The following CPEB3 variants were observed in gnomAD, a reference collection of about 807,000 sequenced individuals.
CPEB3 encodes the protein cytoplasmic polyadenylation element binding protein 3.
In CPEB3, 20 loss-of-function variants were observed where a neutral mutation model predicts 67.2. The observed-to-expected ratio is 0.30, with a 90% CI of 0.21 to 0.43. CPEB3 has a LOEUF of 0.43. CPEB3 is among the 20% of genes least tolerant of loss of function. The pLI is 1.00. For synonymous variants in CPEB3, 376 were observed against 393.1 expected (o/e 0.96, Z 0.51); for missense variants, 746 against 968.6 (o/e 0.77, Z 3.05).
intron 1 of CPEB3, among the ~76,000 whole-genome samples, chr10:92,275,950 G>A (rs889053846): frequency 4.1e-5 from 6 of 147,500 alleles, no homozygotes; most frequent in South Asian, 2.1e-4. Context: ...CTGGGTTCAC[G>A]CCATTCTCCT....
intron 1 of CPEB3, among the ~76,000 whole-genome samples, chr10:92,269,913 C>T (rs1002083872): frequency 1.3e-5 from 2 of 151,830 alleles, no homozygotes; most frequent in Admixed American, 6.6e-5. Flanking sequence ...AGGTCTCCTT[C>T]GGTGATACGA....
intron 8 of CPEB3, among the ~76,000 whole-genome samples, chr10:92,084,172 A>G (rs991214946): frequency 1.1e-4 from 17 of 151,842 alleles, no homozygotes; most frequent in African/African-American, 3.1e-4. Context: ...CTCAAAAAAA[A>G]AAAAAAAAAA....
At chr10:92,216,268 T>C in intron 2 of CPEB3, 1 of 1,402,664 alleles carries the variant, frequency 7.1e-7, no homozygotes, top group South Asian at 1.3e-5. Context: ...AAACCCCATC[T>C]CTACTAAAAA....
At chr10:92,220,339 T>C (rs1012797246) in intron 2 of CPEB3, among the ~76,000 whole-genome samples, 1 of 152,204 alleles carries the variant, frequency 6.6e-6, no homozygotes, top group Non-Finnish European at 1.5e-5. Flanking sequence ...TGGCAAATAT[T>C]CAAAATAATG....
At chr10:92,110,472 T>C (rs1200538050) in intron 7 of CPEB3, among the ~76,000 whole-genome samples, 1 of 152,220 alleles carries the variant, frequency 6.6e-6, no homozygotes, top group African/African-American at 2.4e-5. Context: ...GGACACAATC[T>C]TCCTCCCTTA....
chr10:92,064,123 A>C (rs558742502), intron 9 of CPEB3, among the ~76,000 whole-genome samples: 1 of 152,336 alleles, frequency 6.6e-6, no homozygotes, highest in Admixed American at 6.5e-5. Flanking sequence ...GAACAAACCT[A>C]ATCTAAGGAT....
At chr10:92,061,200 C>T (rs1842330161) in intron 9 of CPEB3, among the ~76,000 whole-genome samples, 1 of 152,100 alleles carries the variant, frequency 6.6e-6, no homozygotes, top group African/African-American at 2.4e-5. Context: ...AAGTGGATCA[C>T]CTGAGGTCAG....
intron 4 of CPEB3, among the ~76,000 whole-genome samples, chr10:92,160,493 C>T (rs1388750784): frequency 6.6e-6 from 1 of 152,154 alleles, no homozygotes; most frequent in East Asian, 1.9e-4. Context: ...TAAATTTTGA[C>T]ATCCTATCAC....
chr10:92,085,018 C>A (rs1843315655), intron 8 of CPEB3, among the ~76,000 whole-genome samples: 2 of 152,176 alleles, frequency 1.3e-5, no homozygotes, highest in Non-Finnish European at 2.9e-5. Flanking sequence ...ATTAAGCATA[C>A]TTAAATGAAC....
intron 3 of CPEB3, among the ~76,000 whole-genome samples, chr10:92,190,665 CAAAAAAAAAAAAAAAAAAAAAAA>C (rs780757034): frequency 6.4e-5 from 5 of 78,396 alleles, no homozygotes; most frequent in Admixed American, 4.7e-4. Flanking sequence ...AACTCCATCT[CAAAAAAAAAAAAAAAAAAAAAAA>C]AAAAAAAAAA....
At chr10:92,200,381 C>A (rs1219627820) in intron 2 of CPEB3, among the ~76,000 whole-genome samples, 2 of 151,770 alleles carry the variant, frequency 1.3e-5, no homozygotes, top group Non-Finnish European at 2.9e-5. Flanking sequence ...CCTGTCTCTA[C>A]TAAGAAATAC....
chr10:92,222,276 A>G (rs900931914), intron 2 of CPEB3, among the ~76,000 whole-genome samples: 2 of 151,854 alleles, frequency 1.3e-5, no homozygotes, highest in South Asian at 2.1e-4. Flanking sequence ...AGTTCAAGCA[A>G]TCCACCCACC....
At position 92,052,227 on chromosome 10, in the gene CPEB3, C is replaced by G. The variant is rs147278295; in HGVS notation, c.2082G>C (p.Pro694=). 5.7e-4 allele frequency: 927 copies of G among 1,613,202 alleles called. 1 individual carries two copies. The highest frequency in any genetic ancestry group is 7.2e-4 in the Non-Finnish European group (852 of 1,179,650). The change falls in exon 10 of 10, where the codon CCG becomes CCC. Residue 694 remains proline, a synonymous_variant. Coordinates refer to ENST00000265997, the MANE Select transcript of CPEB3 (RefSeq NM_014912.5). ...KEGGDRPRHV[P]FRWS ...GGCCCGTGGCTCAGCTCCAGCGGAA[C>G]GGGACGTGACGAGGGCGGTCGCCTC...
intron 4 of CPEB3, among the ~76,000 whole-genome samples, chr10:92,175,474 C>A (rs562874070): frequency 6.6e-6 from 1 of 152,118 alleles, no homozygotes; most frequent in Non-Finnish European, 1.5e-5. Flanking sequence ...ACTCCCGCAT[C>A]ATATGATAGT....
chr10:92,211,950 T>A (rs910070186), intron 2 of CPEB3, among the ~76,000 whole-genome samples: 1 of 151,240 alleles, frequency 6.6e-6, no homozygotes, highest in South Asian at 2.1e-4. Context: ...CACTGCAACC[T>A]CCACCTCCAG....
intron 9 of CPEB3, among the ~76,000 whole-genome samples, chr10:92,076,041 C>T (rs1842920400): frequency 6.6e-6 from 1 of 152,158 alleles, no homozygotes; most frequent in Non-Finnish European, 1.5e-5. Context: ...ACTTGATGGT[C>T]AGGCATTGCT....
At chr10:92,276,532 G>C (rs1363423386) in intron 1 of CPEB3, among the ~76,000 whole-genome samples, 2 of 151,430 alleles carry the variant, frequency 1.3e-5, no homozygotes, top group Admixed American at 1.3e-4. Context: ...ACCTGCCTTG[G>C]CCTCCCAAAG....
chr10:92,163,256 G>A (rs1248139924), intron 4 of CPEB3, among the ~76,000 whole-genome samples: 1 of 152,128 alleles, frequency 6.6e-6, no homozygotes, highest in Admixed American at 6.5e-5. Flanking sequence ...GCAACACGGT[G>A]AAACCTTGTC....
rs1401957109 is a variant in CPEB3 at position 92,240,378 on chromosome 10, G to C, written c.-11-17C>G. ...TTTGCGCAGCTGAAACGGGAAAAAA[G>C]AGAGACGCGTTATTGTCAATGTGAT... On this transcript the variant is annotated splice_polypyrimidine_tract_variant and intron_variant, in intron 1 of 9. Coordinates refer to ENST00000265997, the MANE Select transcript of CPEB3 (RefSeq NM_014912.5). 6.9e-7 allele frequency: 1 copy of C among 1,438,906 alleles called. No homozygotes were observed. Among genetic ancestry groups the C allele is most frequent in the Non-Finnish European group, 9.2e-7 (1 of 1,091,816 alleles). 89.1% of individuals were successfully genotyped at this position (1,438,906 alleles called of 1,614,324 possible).
Sources: gnomAD v4.1 joint callset for allele counts (sites outside exome capture counted in the v4.1 genomes callset) on GRCh38, gnomAD v4.1.1 for gene constraint, MANE v1.5 for transcripts, NCBI Gene and HGNC (gene_info 2026-07-23, HGNC 2026-07-21) for gene names.